Variants in RASGRF2 observed in about 807,000 individuals in gnomAD.
RASGRF2 encodes Ras protein specific guanine nucleotide releasing factor 2.
In RASGRF2, 76 loss-of-function variants were observed where a neutral mutation model predicts 151.0. That is an observed-to-expected ratio of 0.50 (90% CI 0.42 to 0.61). RASGRF2 has a LOEUF of 0.61. Among genes scored for constraint, RASGRF2 ranks in the 20% least tolerant of loss-of-function variants. The pLI is 0.00. For synonymous variants in RASGRF2, 504 were observed against 566.5 expected (o/e 0.89, Z 1.57); for missense variants, 1,148 against 1,564.6 (o/e 0.73, Z 4.49).
Position 80,960,765 on chromosome 5 carries a change from G to T in RASGRF2, c.27G>T (p.Glu9Asp), listed in dbSNP as rs757781387. ...TGCAGAAGAGCGTGCGCTACAACGA[G>T]GGGCACGCCCTGTACCTGGCCTTTC... MQKSVRYN[E>D]GHALYLAFLA... The change falls in exon 1 of 27, where the codon GAG (glutamate) becomes GAT (aspartate). Residue 9 changes from glutamate (E) to aspartate (D), a missense_variant. Physicochemically the swap from Glu to Asp is conservative, Grantham distance 45. Around this residue, in one of 5 missense-constraint regions of RASGRF2, gnomAD observed 221 missense variants for 271.3 expected, o/e 0.81. Coordinates refer to ENST00000265080, the MANE Select transcript of RASGRF2 (RefSeq NM_006909.3). The surrounding 1 kb of genome is among the most constrained non-coding windows in gnomAD (Gnocchi z 5.5). The T allele has an allele frequency of 1.9e-6, 3 of 1,604,658 alleles. No individual in the cohort carries two copies. The highest frequency in any genetic ancestry group is 1.7e-6 in the Non-Finnish European group (2 of 1,173,730).
chr5:80,999,071 C>T (rs1748993771), intron 1 of RASGRF2, among the ~76,000 whole-genome samples: 1 of 152,146 alleles, frequency 6.6e-6, no homozygotes, highest in Non-Finnish European at 1.5e-5. Flanking sequence ...AAATAGACCC[C>T]AAATTATCCT....
chr5:81,113,750 C>T lies in RASGRF2; in HGVS notation c.2300C>T (p.Thr767Ile). 1 of 1,614,008 alleles carries T rather than the reference C, an allele frequency of 6.2e-7. No individual in the cohort carries two copies. Among genetic ancestry groups the T allele is most frequent in the South Asian group, 1.1e-5 (1 of 91,080 alleles). Residue 767 changes from threonine to isoleucine, a missense_variant, in exon 15 of 27, where the codon ACC becomes ATC. Coordinates refer to ENST00000265080, the MANE Select transcript of RASGRF2 (RefSeq NM_006909.3). ...ALDLTTSSSP[T>I]TTTQSPAASP... ...GACCTGACAACTTCCAGCAGTCCCA[C>T]CACCACCACCCAGAGTCCCGCTGCG...
At chr5:81,083,827 C>A (rs1752154774) in intron 7 of RASGRF2, among the ~76,000 whole-genome samples, 3 of 152,158 alleles carry the variant, frequency 2.0e-5, no homozygotes, top group African/African-American at 7.2e-5. Context: ...GCTATTCTAT[C>A]CACTTATTTA....
At position 80,996,629 on chromosome 5, in the gene RASGRF2, T is replaced by G. The variant is rs560420436; in HGVS notation, c.288+35603T>G. 1.1e-3 allele frequency among the ~76,000 whole-genome samples: 157 copies of G among 141,196 alleles called. 1 individual carries two copies. The highest frequency in any genetic ancestry group is 4.0e-3 in the African/African-American group (151 of 37,810). 92.6% of individuals were successfully genotyped at this position (141,196 alleles called of 152,430 possible). A position where few individuals can be genotyped will look rare whatever the true frequency, so the allele number is the denominator to read the frequency against. On this transcript the variant is annotated intron_variant, in intron 1 of 26. Coordinates refer to ENST00000265080, the MANE Select transcript of RASGRF2 (RefSeq NM_006909.3). Reference sequence around the variant, plus strand: ...TTGACACTGTCAAAAAAGTCTCACTTTGTCCTGTCGCCCAGGCTGAAGTGC... The same window carrying G: ...TTGACACTGTCAAAAAAGTCTCACTGTGTCCTGTCGCCCAGGCTGAAGTGC...
chr5:81,180,033 T>C, intron 17 of RASGRF2, 142 bp from the exon 18 acceptor site: 1 of 587,866 alleles, frequency 1.7e-6, no homozygotes, highest in Non-Finnish European at 3.1e-6. Flanking sequence ...GAATTCACAA[T>C]AGTCTGAAGC....
intron 9 of RASGRF2, chr5:81,087,254 G>A: frequency 1.4e-6 from 1 of 703,074 alleles, no homozygotes; most frequent in Admixed American, 2.0e-5. Flanking sequence ...CGGTCGGCCT[G>A]GCCCACGGCC....
At chr5:81,092,770 G>A in intron 9 of RASGRF2, 31 bp from the exon 10 acceptor site, 1 of 1,589,202 alleles carries the variant, frequency 6.3e-7, no homozygotes, top group Non-Finnish European at 8.6e-7. Context: ...AATTTTAATT[G>A]CTGTGTATTC....
intron 12 of RASGRF2, among the ~76,000 whole-genome samples, chr5:81,108,104 A>G (rs914301697): frequency 3.3e-5 from 5 of 152,256 alleles, no homozygotes; most frequent in South Asian, 4.1e-4. Context: ...TCACGTTGCA[A>G]TCAGCTTCAC....
At chr5:81,144,083 A>G (rs536806153) in intron 17 of RASGRF2, among the ~76,000 whole-genome samples, 21 of 152,354 alleles carry the variant, frequency 1.4e-4, no homozygotes, top group African/African-American at 4.6e-4. Flanking sequence ...GAATTTCTCA[A>G]TGAACTTTTT....
chr5:81,181,456 G>GA (rs1448822480), intron 18 of RASGRF2, among the ~76,000 whole-genome samples: 1 of 152,076 alleles, frequency 6.6e-6, no homozygotes, highest in Non-Finnish European at 1.5e-5. Flanking sequence ...TAAATAAATA[G>GA]AAAAAATTTA....
Position 81,113,759 on chromosome 5 carries a change from C to T in RASGRF2, c.2309C>T (p.Thr770Ile). 1.2e-6 allele frequency: 2 copies of T among 1,614,194 alleles called. No individual in the cohort carries two copies. The highest frequency in any genetic ancestry group is 1.7e-6 in the Non-Finnish European group (2 of 1,180,034). The change falls in exon 15 of 27, where the codon ACC becomes ATC. Residue 770 changes from threonine (T) to isoleucine (I), a missense_variant. Coordinates refer to ENST00000265080, the MANE Select transcript of RASGRF2 (RefSeq NM_006909.3). ...ACTTCCAGCAGTCCCACCACCACCACCCAGAGTCCCGCTGCGTCTCCACCA... is the reference window on the plus strand; with the variant it reads ...ACTTCCAGCAGTCCCACCACCACCATCCAGAGTCCCGCTGCGTCTCCACCA... ...LTTSSSPTTT[T>I]QSPAASPPPH...
At chr5:80,973,704 G>A (rs1165196513) in intron 1 of RASGRF2, among the ~76,000 whole-genome samples, 3 of 152,162 alleles carry the variant, frequency 2.0e-5, no homozygotes, top group Admixed American at 6.5e-5. Context: ...TAATCACCTC[G>A]CTCCCATTTT....
intron 1 of RASGRF2, among the ~76,000 whole-genome samples, chr5:80,998,754 A>G (rs1294094899): frequency 6.6e-6 from 1 of 152,186 alleles, no homozygotes; most frequent in Non-Finnish European, 1.5e-5. Flanking sequence ...TTGCATCAGC[A>G]GACAGCCAGG....
chr5:80,996,287 C>A, intron 1 of RASGRF2, among the ~76,000 whole-genome samples: 1 of 151,828 alleles, frequency 6.6e-6, no homozygotes, highest in East Asian at 1.9e-4. Context: ...TCAGGCATGA[C>A]CAGTTAAGTT....
At chr5:81,175,916 C>T (rs1754764585) in intron 17 of RASGRF2, among the ~76,000 whole-genome samples, 1 of 152,046 alleles carries the variant, frequency 6.6e-6, no homozygotes, top group Non-Finnish European at 1.5e-5. Flanking sequence ...GTCCCAAATG[C>T]CCTTGGGACA....
chr5:81,130,239 T>C (rs916979929), intron 17 of RASGRF2, among the ~76,000 whole-genome samples: 2 of 152,224 alleles, frequency 1.3e-5, no homozygotes, highest in Non-Finnish European at 2.9e-5. Context: ...GCCTGAACCC[T>C]GTGTGAGCAG....
chr5:81,104,746 C>T (rs1336762711), intron 12 of RASGRF2, among the ~76,000 whole-genome samples: 3 of 152,210 alleles, frequency 2.0e-5, no homozygotes, highest in Admixed American at 2.0e-4. Flanking sequence ...TCCACAAAGC[C>T]TTTCCAGATC....
intron 1 of RASGRF2, among the ~76,000 whole-genome samples, chr5:80,976,291 A>G (rs1748112434): frequency 6.6e-6 from 1 of 152,200 alleles, no homozygotes; most frequent in Admixed American, 6.5e-5. Context: ...ATATTATCCC[A>G]TTTAATCCTC....
chr5:81,034,733 G>A (rs1487054531), intron 1 of RASGRF2, among the ~76,000 whole-genome samples: 2 of 149,256 alleles, frequency 1.3e-5, no homozygotes, highest in Non-Finnish European at 3.0e-5. Context: ...CTCACTCATA[G>A]GTGGAAATTG....
Sources: gnomAD v4.1 joint callset for allele counts (sites outside exome capture counted in the v4.1 genomes callset) on GRCh38, gnomAD v4.1.1 for gene constraint, gnomAD v4.1.1 regional missense constraint, Gnocchi (gnomAD v3.1) non-coding constraint, MANE v1.5 for transcripts, NCBI Gene and HGNC (gene_info 2026-07-23, HGNC 2026-07-21) for gene names.